Variants in RIMS1 observed in about 807,000 individuals in gnomAD.
RIMS1 encodes the protein regulating synaptic membrane exocytosis protein 1.
A neutral mutation model predicts 214.1 loss-of-function variants in RIMS1; 83 were observed. The observed-to-expected ratio is 0.39, with a 90% CI of 0.32 to 0.47. The LOEUF (loss-of-function observed/expected upper bound fraction) is 0.47. Ranked by LOEUF, RIMS1 falls within the 20% of genes least tolerant of loss-of-function variation. The pLI is 0.99. For synonymous variants in RIMS1, 793 were observed against 786.8 expected, an observed-to-expected ratio of 1.01 and a Z score of -0.13; for missense variants, 2,050 against 2,161.8, an observed-to-expected ratio of 0.95 and a Z score of 1.03.
At chr6:72,138,678 A>G (rs1197533735) in intron 4 of RIMS1, among the ~76,000 whole-genome samples, 1 of 152,180 alleles carries the variant, frequency 6.6e-6, no homozygotes, top group African/African-American at 2.4e-5. Flanking sequence ...AAAAAATATA[A>G]AAAGTAAATT....
chr6:72,038,783 T>C (rs1356928793), intron 2 of RIMS1, among the ~76,000 whole-genome samples: 1 of 152,152 alleles, frequency 6.6e-6, no homozygotes, highest in African/African-American at 2.4e-5. Flanking sequence ...TTCTGCACTT[T>C]GCAAGAACCT....
chr6:72,100,065 T>A (rs2033150473), intron 4 of RIMS1, 79 bp downstream of exon 4: 1 of 1,111,776 alleles, frequency 9.0e-7, no homozygotes, highest in African/African-American at 1.5e-5. Context: ...GCACCTAGTA[T>A]TGTTAATAAC....
intron 2 of RIMS1, among the ~76,000 whole-genome samples, chr6:72,025,897 A>C (rs1816295847): frequency 6.6e-6 from 1 of 152,188 alleles, no homozygotes; most frequent in Non-Finnish European, 1.5e-5. Flanking sequence ...ATGACTGGCA[A>C]CTTGGTGCTA....
intron 5 of RIMS1, among the ~76,000 whole-genome samples, chr6:72,180,928 A>T (rs2048324658): frequency 6.6e-6 from 1 of 152,236 alleles, no homozygotes; most frequent in South Asian, 2.1e-4. Flanking sequence ...GGGTTGTGGC[A>T]GGTATTAAAA....
intron 2 of RIMS1, among the ~76,000 whole-genome samples, chr6:72,039,335 C>T (rs1321341947): frequency 6.6e-6 from 1 of 152,204 alleles, no homozygotes; most frequent in East Asian, 1.9e-4. Flanking sequence ...GCATATTTCT[C>T]TTAATCTCAC....
intron 29 of RIMS1, among the ~76,000 whole-genome samples, chr6:72,358,629 G>T (rs1328741600): frequency 6.6e-6 from 1 of 152,124 alleles, no homozygotes; most frequent in African/African-American, 2.4e-5. Flanking sequence ...TCAAGGAAAA[G>T]CATGGGTTTT....
At chr6:72,035,712 C>T (rs74384204) in intron 2 of RIMS1, among the ~76,000 whole-genome samples, 3 of 152,132 alleles carry the variant, frequency 2.0e-5, no homozygotes, top group Non-Finnish European at 4.4e-5. Context: ...TAATTATTCA[C>T]TCATGGGAAG....
At chr6:72,235,924 A>G (rs540112520) in intron 8 of RIMS1, among the ~76,000 whole-genome samples, 196 bp downstream of exon 8, 5 of 152,020 alleles carry the variant, frequency 3.3e-5, no homozygotes, top group Middle Eastern at 3.2e-3. Flanking sequence ...GTTCAGGATG[A>G]TTTTTTGCAT....
chr6:71,937,197 G>A (rs937077602), intron 1 of RIMS1, among the ~76,000 whole-genome samples: 1 of 152,136 alleles, frequency 6.6e-6, no homozygotes, highest in East Asian at 1.9e-4. Context: ...CCACAGAATA[G>A]GTAATTTATA....
chr6:72,356,874 G>A (rs934572874), intron 29 of RIMS1, among the ~76,000 whole-genome samples: 2 of 152,114 alleles, frequency 1.3e-5, no homozygotes, highest in Non-Finnish European at 2.9e-5. Flanking sequence ...GTATAAAAGA[G>A]CATTCTTCTC....
intron 4 of RIMS1, among the ~76,000 whole-genome samples, chr6:72,174,109 G>T (rs1338254647): frequency 6.6e-6 from 1 of 152,138 alleles, no homozygotes; most frequent in Non-Finnish European, 1.5e-5. Context: ...CTCCGTTCTT[G>T]GTTACGGCCC....
chr6:71,935,387 A>G (rs763154795), intron 1 of RIMS1, among the ~76,000 whole-genome samples: 2 of 152,268 alleles, frequency 1.3e-5, no homozygotes, highest in Non-Finnish European at 2.9e-5. Context: ...TTTAAGTGTT[A>G]TGAAGAATTT....
chr6:72,164,608 T>A (rs2045999334), intron 4 of RIMS1, among the ~76,000 whole-genome samples: 1 of 152,238 alleles, frequency 6.6e-6, no homozygotes, highest in Non-Finnish European at 1.5e-5. Flanking sequence ...ATTCTACTGA[T>A]GGTTTGCAGC....
intron 2 of RIMS1, among the ~76,000 whole-genome samples, chr6:72,091,462 G>A (rs557332992): frequency 5.3e-5 from 8 of 152,200 alleles, no homozygotes; most frequent in African/African-American, 1.9e-4. Flanking sequence ...ATATTAATTT[G>A]TACAAATGTC....
At chr6:71,957,575 T>A (rs543458524) in intron 1 of RIMS1, among the ~76,000 whole-genome samples, 2 of 148,402 alleles carry the variant, frequency 1.3e-5, no homozygotes, top group African/African-American at 5.3e-5. Context: ...TCTATGTACA[T>A]GAATCTATAA....
At chr6:72,190,683 T>A (rs2153980498) in intron 6 of RIMS1, among the ~76,000 whole-genome samples, 1 of 152,094 alleles carries the variant, frequency 6.6e-6, no homozygotes, top group Admixed American at 6.6e-5. Flanking sequence ...GGAGTGGAGA[T>A]GATGGGCATT....
intron 4 of RIMS1, among the ~76,000 whole-genome samples, chr6:72,125,551 G>A (rs2039335827): frequency 6.6e-6 from 1 of 152,230 alleles, no homozygotes; most frequent in African/African-American, 2.4e-5. Context: ...GTCTGCAGAA[G>A]TTTCTACTAC....
At chr6:72,056,083 T>TA (rs11413147) in intron 2 of RIMS1, among the ~76,000 whole-genome samples, 122,709 of 150,808 alleles carry the variant, frequency 0.81, 50,451 homozygotes, top group African/African-American at 0.94. Flanking sequence ...TATGCAGCCA[T>TA]AAAAAAAAAG....
intron 23 of RIMS1, among the ~76,000 whole-genome samples, chr6:72,277,458 T>A (rs1591650053): frequency 6.6e-6 from 1 of 152,052 alleles, no homozygotes; most frequent in African/African-American, 2.4e-5. Flanking sequence ...GGCAGGCGCC[T>A]GTAGTCCCAG....
Sources: gnomAD v4.1 joint callset for allele counts (sites outside exome capture counted in the v4.1 genomes callset) on GRCh38, gnomAD v4.1.1 for gene constraint, MANE v1.5 for transcripts, NCBI Gene and HGNC (gene_info 2026-07-23, HGNC 2026-07-21) for gene names.